The following AGO3 variants were observed in gnomAD, a reference collection of about 807,000 sequenced individuals.
AGO3 encodes the protein argonaute RISC catalytic component 3.
Under a neutral mutation model 105.5 loss-of-function variants are expected in AGO3, and 16 were observed. The observed-to-expected ratio is 0.15, with a 90% confidence interval of 0.10 to 0.23. The LOEUF (loss-of-function observed/expected upper bound fraction) is 0.23. Among genes scored for constraint, AGO3 ranks in the 10% least tolerant of loss-of-function variants. The pLI, the probability that AGO3 is intolerant of heterozygous loss-of-function variation, is 1.00. For synonymous variants in AGO3, 340 were observed against 367.3 expected (o/e 0.93, Z 0.85); for missense variants, 534 against 1,088.0 (o/e 0.49, Z 7.16).
At chr1:35,970,640 A>G (rs993860352) in intron 3 of AGO3, among the ~76,000 whole-genome samples, 8 of 151,718 alleles carry the variant, frequency 5.3e-5, no homozygotes, top group Non-Finnish European at 2.9e-5. Flanking sequence ...TTTTTTTTCA[A>G]TGTGGTTATG....
At chr1:35,982,642 GT>G in intron 5 of AGO3, 1 of 717,726 alleles carries the variant, frequency 1.4e-6, no homozygotes, top group Non-Finnish European at 2.6e-6. Flanking sequence ...TGGCAGCAGT[GT>G]GGAGAATAGA....
intron 5 of AGO3, among the ~76,000 whole-genome samples, chr1:35,996,295 C>CAAAA: frequency 6.7e-6 from 1 of 149,966 alleles, no homozygotes. Context: ...GTACTTCTGC[C>CAAAA]AGGGCAACAG....
intron 5 of AGO3, among the ~76,000 whole-genome samples, chr1:35,974,550 G>A (rs1199034061): frequency 1.3e-5 from 2 of 152,058 alleles, no homozygotes; most frequent in East Asian, 1.9e-4. Context: ...AGTGCTTTAT[G>A]TCGTGTCATA....
At chr1:36,031,644 C>T (rs1188831955) in intron 12 of AGO3, among the ~76,000 whole-genome samples, 1 of 152,128 alleles carries the variant, frequency 6.6e-6, no homozygotes, top group Non-Finnish European at 1.5e-5. Context: ...TTTTTTCCAT[C>T]ATCCCAAACT....
intron 11 of AGO3, among the ~76,000 whole-genome samples, chr1:36,024,479 T>C (rs1188520839): frequency 6.6e-6 from 1 of 152,108 alleles, no homozygotes; most frequent in Admixed American, 6.5e-5. Context: ...GGTTCTTTAG[T>C]TTACGTTTTC....
chr1:36,014,849 A>G (rs536757834), intron 11 of AGO3, among the ~76,000 whole-genome samples: 13 of 151,796 alleles, frequency 8.6e-5, no homozygotes, highest in African/African-American at 2.9e-4. Context: ...GATTCATTCT[A>G]TTAGACATCC....
intron 12 of AGO3, among the ~76,000 whole-genome samples, chr1:36,033,137 A>C (rs1641856759): frequency 6.6e-6 from 1 of 151,952 alleles, no homozygotes; most frequent in African/African-American, 2.4e-5. Context: ...TCTTATCTCA[A>C]AAATAAAAAA....
intron 17 of AGO3, among the ~76,000 whole-genome samples, chr1:36,051,894 A>T (rs965673998): frequency 6.6e-6 from 1 of 152,220 alleles, no homozygotes; most frequent in Non-Finnish European, 1.5e-5. Context: ...ATATCATCTC[A>T]CTCAAATTAA....
At chr1:36,010,000 A>G (rs765893380) in intron 9 of AGO3, among the ~76,000 whole-genome samples, 2 of 133,538 alleles carry the variant, frequency 1.5e-5, no homozygotes, top group African/African-American at 5.8e-5. Flanking sequence ...GTGCAGTGGC[A>G]CGATCTTGGC....
chr1:35,936,652 T>C (rs1401320027), intron 1 of AGO3, among the ~76,000 whole-genome samples: 4 of 152,192 alleles, frequency 2.6e-5, no homozygotes, highest in Admixed American at 6.5e-5. Flanking sequence ...CAGCCAGTTA[T>C]TTTATACATC....
chr1:36,036,981 C>G (rs1277555879), intron 14 of AGO3, among the ~76,000 whole-genome samples: 1 of 152,110 alleles, frequency 6.6e-6, no homozygotes, highest in Non-Finnish European at 1.5e-5. Flanking sequence ...CAGGTGTGAG[C>G]TACCGTGCCC....
At chr1:36,043,421 T>C in intron 16 of AGO3, 26 bp from the exon 17 acceptor site, 1 of 1,579,376 alleles carries the variant, frequency 6.3e-7, no homozygotes, top group South Asian at 1.1e-5. Flanking sequence ...TTCTTGTTTG[T>C]TTAAACTTTA....
chr1:36,025,927 A>G (rs747067682), intron 11 of AGO3, among the ~76,000 whole-genome samples: 8 of 151,978 alleles, frequency 5.3e-5, no homozygotes, highest in Non-Finnish European at 1.0e-4. Flanking sequence ...AATCCCAGCT[A>G]CTTGGGAAGC....
chr1:36,029,377 T>C (rs1191401897), intron 12 of AGO3, among the ~76,000 whole-genome samples: 1 of 151,312 alleles, frequency 6.6e-6, no homozygotes, highest in Non-Finnish European at 1.5e-5. Context: ...AAACATTAAA[T>C]TTTCTCTTTC....
At chr1:36,013,206 TG>T (rs1415052623) in intron 9 of AGO3, among the ~76,000 whole-genome samples, 1 of 152,148 alleles carries the variant, frequency 6.6e-6, no homozygotes, top group Non-Finnish European at 1.5e-5. Flanking sequence ...CCCAAAGTGC[TG>T]GAATTACAGA....
chr1:35,936,734 G>A (rs1018289413), intron 1 of AGO3, among the ~76,000 whole-genome samples: 2 of 152,040 alleles, frequency 1.3e-5, no homozygotes. Flanking sequence ...GACATTTTTA[G>A]ATTAAAAAAA....
At chr1:36,050,791 C>CAAA (rs566050744) in intron 17 of AGO3, among the ~76,000 whole-genome samples, 6 of 85,896 alleles carry the variant, frequency 7.0e-5, no homozygotes, top group African/African-American at 1.9e-4. Context: ...GACTCTATCT[C>CAAA]AAAAAAAAAA....
At chr1:36,047,281 G>T (rs1642514294) in intron 17 of AGO3, among the ~76,000 whole-genome samples, 1 of 151,872 alleles carries the variant, frequency 6.6e-6, no homozygotes. Flanking sequence ...ATATGAACAA[G>T]AAATTCAACA....
At chr1:35,996,675 G>A (rs536680478) in intron 5 of AGO3, among the ~76,000 whole-genome samples, 1 of 151,852 alleles carries the variant, frequency 6.6e-6, no homozygotes, top group South Asian at 2.1e-4. Flanking sequence ...GGAAGCTGAG[G>A]CAGGAGAATT....
Sources: allele counts gnomAD v4.1 joint callset (sites outside exome capture counted in the v4.1 genomes callset), GRCh38; gene constraint gnomAD v4.1.1; transcripts MANE v1.5; gene names NCBI Gene and HGNC (gene_info 2026-07-23, HGNC 2026-07-21).